CTNNA3: variants seen among roughly 807,000 people sequenced by gnomAD.
The protein encoded by CTNNA3 is catenin alpha-3.
CTNNA3 carries 76 observed loss-of-function variants against 95.7 expected under a neutral mutation model. The observed-to-expected ratio is 0.79, with a 90% CI of 0.66 to 0.96. The LOEUF is 0.96. Among genes scored for constraint, CTNNA3 ranks in the 40% least tolerant of loss-of-function variants. The pLI is 0.00. For synonymous variants in CTNNA3, 431 were observed against 374.4 expected (o/e 1.15, Z -1.74); for missense variants, 1,191 against 1,089.8 (o/e 1.09, Z -1.31).
At chr10:66,447,750 C>G (rs1005288129) in intron 11 of CTNNA3, among the ~76,000 whole-genome samples, 3 of 151,970 alleles carry the variant, frequency 2.0e-5, no homozygotes, top group Non-Finnish European at 2.9e-5. Flanking sequence ...CAATACCATT[C>G]AGGACATAGG....
intron 12 of CTNNA3, among the ~76,000 whole-genome samples, chr10:66,317,605 G>C (rs2092120068): frequency 6.6e-6 from 1 of 151,842 alleles, no homozygotes; most frequent in Admixed American, 6.6e-5. Context: ...CCCAGGAGGT[G>C]GAGGTTGTAG....
intron 9 of CTNNA3, among the ~76,000 whole-genome samples, chr10:66,758,986 T>A (rs1039105573): frequency 1.3e-5 from 2 of 152,134 alleles, no homozygotes; most frequent in African/African-American, 4.8e-5. Flanking sequence ...TACATAATTT[T>A]AGCAGAGAAT....
chr10:66,261,022 C>T (rs774429800), intron 13 of CTNNA3, among the ~76,000 whole-genome samples: 6 of 152,024 alleles, frequency 3.9e-5, no homozygotes, highest in Non-Finnish European at 8.8e-5. Context: ...TGTTTTCTTT[C>T]CTATCCATAA....
intron 9 of CTNNA3, among the ~76,000 whole-genome samples, chr10:66,688,532 T>C (rs570263090): frequency 6.6e-6 from 1 of 152,294 alleles, no homozygotes; most frequent in South Asian, 2.1e-4. Context: ...CAGAGTGACA[T>C]CTTCTCTGAC....
At chr10:66,150,924 G>A (rs1261876907) in intron 13 of CTNNA3, among the ~76,000 whole-genome samples, 1 of 152,018 alleles carries the variant, frequency 6.6e-6, no homozygotes, top group East Asian at 1.9e-4. Context: ...AATAAGGGAT[G>A]GGACTGTATT....
chr10:66,189,674 TTTC>T (rs1315979163), intron 13 of CTNNA3, among the ~76,000 whole-genome samples: 1 of 148,180 alleles, frequency 6.7e-6, no homozygotes, highest in African/African-American at 2.5e-5. Flanking sequence ...ATATATATTG[TTTC>T]TTCATTTTTC....
intron 5 of CTNNA3, among the ~76,000 whole-genome samples, chr10:67,233,115 C>T (rs1353175281): frequency 2.0e-5 from 3 of 152,228 alleles, no homozygotes; most frequent in Non-Finnish European, 2.9e-5. Context: ...GACAGAAAGT[C>T]AACAAAGATA....
chr10:66,335,881 G>A (rs1404974164), intron 12 of CTNNA3, among the ~76,000 whole-genome samples: 3 of 151,866 alleles, frequency 2.0e-5, no homozygotes, highest in South Asian at 2.1e-4. Flanking sequence ...GCTCCACCCA[G>A]TTTGAGCTTC....
chr10:66,636,769 T>C (rs955530026), intron 9 of CTNNA3, among the ~76,000 whole-genome samples: 2 of 152,146 alleles, frequency 1.3e-5, no homozygotes, highest in African/African-American at 2.4e-5. Flanking sequence ...ATCAGGCATG[T>C]TCCAGGCACT....
intron 7 of CTNNA3, among the ~76,000 whole-genome samples, chr10:66,890,512 G>A (rs954463431): frequency 3.3e-5 from 5 of 152,088 alleles, no homozygotes; most frequent in Non-Finnish European, 5.9e-5. Context: ...GTGAGAGATG[G>A]GGTAAGATTA....
chr10:66,166,082 A>G (rs2085111711), intron 13 of CTNNA3, among the ~76,000 whole-genome samples: 1 of 152,112 alleles, frequency 6.6e-6, no homozygotes, highest in African/African-American at 2.4e-5. Flanking sequence ...TTTATTTTCA[A>G]AAATGCTTTC....
chr10:67,267,199 T>G (rs1046370595), intron 5 of CTNNA3, among the ~76,000 whole-genome samples: 1 of 152,136 alleles, frequency 6.6e-6, no homozygotes, highest in East Asian at 1.9e-4. Flanking sequence ...AAGAACAAAC[T>G]GTAGCCATTT....
intron 5 of CTNNA3, among the ~76,000 whole-genome samples, chr10:67,374,737 A>G (rs1843626133): frequency 6.6e-6 from 1 of 152,190 alleles, no homozygotes; most frequent in Non-Finnish European, 1.5e-5. Flanking sequence ...GCAGCAATCT[A>G]TATGGTTAGC....
At chr10:65,931,643 T>G (rs1333181427) in intron 17 of CTNNA3, among the ~76,000 whole-genome samples, 1 of 152,216 alleles carries the variant, frequency 6.6e-6, no homozygotes, top group Non-Finnish European at 1.5e-5. Flanking sequence ...TATCAGAGGT[T>G]GGAGAAGTGT....
chr10:66,245,097 G>A lies in CTNNA3; in HGVS notation c.1884+35373C>T, dbSNP rs114534543. 2.8e-3 allele frequency among the ~76,000 whole-genome samples: 419 copies of A among 152,278 alleles called. 1 individual carries two copies. The highest frequency in any genetic ancestry group is 0.01 in the Middle Eastern group (3 of 294). On this transcript the variant is annotated intron_variant, in intron 13 of 17. Coordinates refer to ENST00000433211, the MANE Select transcript of CTNNA3 (RefSeq NM_013266.4). ...CAGCCTAGATCCCATGCCTGCCAAG[G>A]GTGAGTCAGCAATAGAGCAATGAGG...
At chr10:66,079,012 C>T (rs569837650) in intron 14 of CTNNA3, 1 of 151,854 alleles carries the variant, frequency 6.6e-6, no homozygotes, top group Non-Finnish European at 1.5e-5. Context: ...TTAGTCTGAC[C>T]ACAAAGATGG....
At position 66,610,710 on chromosome 10, in the gene CTNNA3, CTG is replaced by C. The variant is rs1188192164; in HGVS notation, c.1374+10980_1374+10981del. On this transcript the variant is annotated intron_variant, in intron 10 of 17. Transcript: ENST00000433211. ...AAAGTCATACGGTAAATATGGAAAACTGTATGGAGGTTTCTCAAAAAACTAAA... is the reference window on the plus strand; with the variant it reads ...AAAGTCATACGGTAAATATGGAAAACTATGGAGGTTTCTCAAAAAACTAAA... Among the ~76,000 whole-genome samples, 8 of 152,162 alleles carry C rather than the reference CTG, an allele frequency of 5.3e-5. No individual in the cohort carries two copies. In the East Asian group the frequency reaches 1.5e-3, roughly 29 times the overall value.
At chr10:66,268,757 G>T (rs1411801342) in intron 13 of CTNNA3, among the ~76,000 whole-genome samples, 2 of 152,142 alleles carry the variant, frequency 1.3e-5, no homozygotes, top group Admixed American at 6.6e-5. Context: ...GATGGATTTT[G>T]TCCAATGAGA....
intron 15 of CTNNA3, among the ~76,000 whole-genome samples, chr10:66,010,551 A>C (rs146584386): frequency 6.6e-6 from 1 of 152,330 alleles, no homozygotes; most frequent in African/African-American, 2.4e-5. Flanking sequence ...GAAACATGGA[A>C]AATAATAGCT....
Sources: allele counts gnomAD v4.1 joint callset (sites outside exome capture counted in the v4.1 genomes callset), GRCh38; gene constraint gnomAD v4.1.1; transcripts MANE v1.5; gene names NCBI Gene and HGNC (gene_info 2026-07-23, HGNC 2026-07-21).